The following CHMP7 variants were observed in gnomAD, a reference collection of about 807,000 sequenced individuals.
The protein encoded by CHMP7 is CHMP family, member 7.
Under a neutral mutation model 53.7 loss-of-function variants are expected in CHMP7, and 15 were observed. The observed-to-expected ratio is 0.28, with a 90% CI of 0.19 to 0.43. CHMP7 has a LOEUF of 0.43. Ranked by LOEUF, CHMP7 falls within the 20% of genes least tolerant of loss-of-function variation. The pLI is 1.00. For missense variants in CHMP7, 527 were observed against 569.4 expected (o/e 0.93, Z 0.76); for synonymous variants, 261 against 228.0 (o/e 1.14, Z -1.30).
At chr8:23,247,809 G>A (rs1423739310) in intron 2 of CHMP7, among the ~76,000 whole-genome samples, 2 of 152,084 alleles carry the variant, frequency 1.3e-5, no homozygotes, top group African/African-American at 4.8e-5. Context: ...CTGGTCTTTG[G>A]ATAAGTCATT....
chr8:23,246,638 G>A lies in CHMP7; in HGVS notation c.-58G>A, dbSNP rs1801696017. On this transcript the variant is annotated 5_prime_UTR_variant, in exon 2 of 11. Coordinates refer to ENST00000397677, the MANE Select transcript of CHMP7 (RefSeq NM_152272.5). ...GGAACGGAAGCCGGGAGGGAACGAG[G>A]GCGGAAGCGGACCAGGGCCAGGCTT... 6.9e-7 allele frequency: 1 copy of A among 1,439,706 alleles called. No individual in the cohort carries two copies. Among genetic ancestry groups the A allele is most frequent in the Non-Finnish European group, 9.4e-7 (1 of 1,065,902 alleles). The allele number at this position is 1,439,706 out of a possible 1,614,324, so 89.2% of individuals were successfully genotyped here. A position where few individuals can be genotyped will look rare whatever the true frequency, so the allele number is the denominator to read the frequency against.
chr8:23,249,452 C>T (rs549057771), intron 3 of CHMP7, 71 bp downstream of exon 3: 15 of 1,265,474 alleles, frequency 1.2e-5, no homozygotes, highest in South Asian at 3.4e-5. Flanking sequence ...CCCTTGTGTG[C>T]GTTCTTGAAA....
intron 3 of CHMP7, among the ~76,000 whole-genome samples, chr8:23,249,888 G>A (rs1801850816): frequency 6.6e-6 from 1 of 152,130 alleles, no homozygotes; most frequent in Non-Finnish European, 1.5e-5. Context: ...TGGTCAGTCA[G>A]CCTCCTCCCG....
intron 9 of CHMP7, 61 bp from the exon 10 acceptor site, chr8:23,260,083 G>A (rs1319304460): frequency 1.4e-6 from 2 of 1,417,698 alleles, no homozygotes; most frequent in Admixed American, 3.4e-5. Flanking sequence ...CCTCAGTCCT[G>A]TACTCATTAA....
rs373288680 is a variant in CHMP7 at position 23,252,195 on chromosome 8, C to CTTTTTTTTTT, written c.471+2819_471+2828dup. Among the ~76,000 whole-genome samples the CTTTTTTTTTT allele has an allele frequency of 1.9e-4, 20 of 105,302 alleles. 2 individuals are homozygous for CTTTTTTTTTT. In the South Asian group the frequency reaches 5.4e-3, roughly 28 times the overall value. 69.1% of individuals were successfully genotyped at this position (105,302 alleles called of 152,430 possible). ...CCTTTCCTGTTTTGTATTGTGTTAT[C>CTTTTTTTTTT]TTTTTTTTTTTTTTGAGATGGAGTT... On this transcript the variant is annotated intron_variant, in intron 3 of 10. Transcript: ENST00000397677.
intron 3 of CHMP7, 29 bp from the exon 4 acceptor site, chr8:23,255,218 C>T (rs1802075884): frequency 1.2e-6 from 2 of 1,612,048 alleles, no homozygotes; most frequent in Non-Finnish European, 1.7e-6. Context: ...GTGGCCAGGG[C>T]CTGTCAGCCA....
chr8:23,256,609 G>T lies in CHMP7; in HGVS notation c.791+16G>T. On this transcript the variant is annotated intron_variant, in intron 5 of 10. Coordinates refer to ENST00000397677, the MANE Select transcript of CHMP7 (RefSeq NM_152272.5). Reference sequence around the variant, plus strand: ...AAGCAGAGAGGTAACTTTTAACCCTGAACTGAGCCTCCTCCCCACTGTTGC... The same window carrying T: ...AAGCAGAGAGGTAACTTTTAACCCTTAACTGAGCCTCCTCCCCACTGTTGC... The T allele has an allele frequency of 6.2e-7, 1 of 1,610,462 alleles. No homozygotes were observed. Among genetic ancestry groups the T allele is most frequent in the Non-Finnish European group, 8.5e-7 (1 of 1,177,756 alleles).
chr8:23,261,304 C>T lies in CHMP7; in HGVS notation c.*705C>T, dbSNP rs1468484147. ...AGGAGGTCCGCCGGTGGGGGAAAGG[C>T]TTCTTCCGAGGCTTCTGCACTCGCC... On this transcript the variant is annotated 3_prime_UTR_variant, in exon 11 of 11. Coordinates refer to ENST00000397677, the MANE Select transcript of CHMP7 (RefSeq NM_152272.5). The T allele has an allele frequency of 1.3e-5, 2 of 152,672 alleles. No homozygotes were observed. Among genetic ancestry groups the T allele is most frequent in the African/African-American group, 4.8e-5 (2 of 41,452 alleles). 9.5% of individuals were successfully genotyped at this position (152,672 alleles called of 1,614,324 possible).
At chr8:23,244,440 G>T (rs1044556001) in intron 1 of CHMP7, among the ~76,000 whole-genome samples, 2 of 152,096 alleles carry the variant, frequency 1.3e-5, no homozygotes, top group Admixed American at 6.5e-5. Context: ...TTTTCGAAAG[G>T]TCAGTTGACT....
In CHMP7 at chr8:23,246,391, C is replaced by A; in HGVS notation, c.-305C>A. 1 of 410,374 alleles carries A rather than the reference C, an allele frequency of 2.4e-6. No homozygotes were observed. The highest frequency in any genetic ancestry group is 4.2e-5 in the Admixed American group (1 of 23,740). The allele number at this position is 410,374 out of a possible 1,614,324, so 25.4% of individuals were successfully genotyped here. On this transcript the variant is annotated 5_prime_UTR_variant, in exon 2 of 11. Transcript: ENST00000397677. ...CCGAACTCCAGAATCTTGAAGGAGACGTAAGGTGCAGCCACCTGCCGCGCA... is the reference window on the plus strand; with the variant it reads ...CCGAACTCCAGAATCTTGAAGGAGAAGTAAGGTGCAGCCACCTGCCGCGCA...
Position 23,258,444 on chromosome 8 carries a change from C to T in CHMP7, c.955C>T (p.Gln319Ter), listed in dbSNP as rs894041262. Residue 319 changes from glutamine to a stop codon, truncating the protein, a stop_gained, in exon 7 of 11, where the codon CAG (glutamine) becomes TAG (stop). Coordinates refer to ENST00000397677, the MANE Select transcript of CHMP7 (RefSeq NM_152272.5). LOFTEE classifies it high-confidence loss of function. Reference sequence around the variant, plus strand: ...CCGGATCTATGCCTCCCAGACAGATCAGATGGTAGTCACTCCCCTCTACTC... The same window carrying T: ...CCGGATCTATGCCTCCCAGACAGATTAGATGGTAGTCACTCCCCTCTACTC... ...LDRIYASQTDQMVFNAYQAGV... is the reference protein window; with the variant it reads ...LDRIYASQTD 6.2e-7 allele frequency: 1 copy of T among 1,613,900 alleles called. No individual in the cohort carries two copies. The highest frequency in any genetic ancestry group is 1.3e-5 in the African/African-American group (1 of 74,902).
rs1455417699 is a variant in CHMP7, at chr8:23,255,435, A to G, written c.657+3A>G. 1 of 1,613,712 alleles carries G rather than the reference A, an allele frequency of 6.2e-7. No homozygotes were observed. Among genetic ancestry groups the G allele is most frequent in the Non-Finnish European group, 8.5e-7 (1 of 1,179,584 alleles). ...TCCTCGAGCAGAACGGGGAGAAGGTATGGAGGCTCATCTGTTCATTCACTG... is the reference window on the plus strand; with the variant it reads ...TCCTCGAGCAGAACGGGGAGAAGGTGTGGAGGCTCATCTGTTCATTCACTG... On this transcript the variant is annotated splice_donor_region_variant and intron_variant, in intron 4 of 10. Transcript: ENST00000397677.
chr8:23,257,614 C>CAGT (rs1366152450), intron 5 of CHMP7, among the ~76,000 whole-genome samples: 1 of 152,186 alleles, frequency 6.6e-6, no homozygotes, highest in African/African-American at 2.4e-5. Context: ...ACAAGGAATC[C>CAGT]CTAATAAAGA....
intron 1 of CHMP7, among the ~76,000 whole-genome samples, chr8:23,245,118 T>A (rs1385171163): frequency 1.3e-5 from 2 of 152,268 alleles, no homozygotes; most frequent in Non-Finnish European, 2.9e-5. Flanking sequence ...GTACAACTTT[T>A]ATTTCTTTTT....
chr8:23,252,392 GCCAGGATGGTC>G (rs1361009855), intron 3 of CHMP7: 1 of 151,980 alleles, frequency 6.6e-6, no homozygotes, highest in Non-Finnish European at 1.5e-5. Flanking sequence ...CACCATGTTA[GCCAGGATGGTC>G]TCGATCTCCT....
intron 9 of CHMP7, 77 bp downstream of exon 9, chr8:23,259,203 C>G (rs1358636387): frequency 1.1e-5 from 8 of 698,622 alleles, no homozygotes; most frequent in East Asian, 6.6e-5. Context: ...GAGTCTCGCT[C>G]TGTCGCCCAG....
chr8:23,247,132 C>A (rs767374119), intron 2 of CHMP7, 138 bp downstream of exon 2: 22 of 838,368 alleles, frequency 2.6e-5, no homozygotes, highest in Non-Finnish European at 3.6e-5. Flanking sequence ...AGTGTGTGTT[C>A]AGAAGGCGAA....
At chr8:23,258,556 T>C (rs1463411909) in intron 7 of CHMP7, 107 bp downstream of exon 7, 44 of 1,483,572 alleles carry the variant, frequency 3.0e-5, no homozygotes, top group Non-Finnish European at 4.0e-5. Flanking sequence ...TTTCGGGATG[T>C]GGCTGGGGTT....
Position 23,250,024 on chromosome 8 carries a change from G to C in CHMP7, c.471+643G>C, listed in dbSNP as rs146079261. 8.0e-4 allele frequency among the ~76,000 whole-genome samples: 122 copies of C among 152,250 alleles called. 2 individuals carry two copies. Among genetic ancestry groups the C allele is most frequent in the African/African-American group, 2.9e-3 (120 of 41,538 alleles). On this transcript the variant is annotated intron_variant, in intron 3 of 10. Coordinates refer to ENST00000397677, the MANE Select transcript of CHMP7 (RefSeq NM_152272.5). The stretch of plus-strand genomic sequence containing the variant: ...GACTCCCAGCAGATCCGTAGCCCTC[G>C]ATCAGCCACATGGGGTTTACCACCC...
Sources: allele counts gnomAD v4.1 joint callset (sites outside exome capture counted in the v4.1 genomes callset), GRCh38; gene constraint gnomAD v4.1.1; transcripts MANE v1.5; gene names NCBI Gene and HGNC (gene_info 2026-07-23, HGNC 2026-07-21).